ACTR3C: variants seen among roughly 807,000 people sequenced by gnomAD.
The protein encoded by ACTR3C is actin-related protein 3C.
In ACTR3C, 18 loss-of-function variants were observed where a neutral mutation model predicts 26.3. The observed-to-expected ratio is 0.68, with a 90% CI of 0.47 to 1.01. The LOEUF is 1.01. Ranked by LOEUF, ACTR3C falls within the 50% of genes least tolerant of loss-of-function variation. ACTR3C has a pLI of 0.00. For synonymous variants in ACTR3C, 55 were observed against 94.5 expected, an observed-to-expected ratio of 0.58 and a Z score of 2.42; for missense variants, 184 against 250.7, an observed-to-expected ratio of 0.73 and a Z score of 1.80.
chr7:150,088,486 C>A, the ACTR3C span, among the ~76,000 whole-genome samples: 1 of 152,104 alleles, frequency 6.6e-6, no homozygotes, highest in African/African-American at 2.4e-5. Context: ...AGGAAATAAA[C>A]AAAGAAATTG....
At chr7:150,072,755 G>A in the ACTR3C span, among the ~76,000 whole-genome samples, 9 of 152,144 alleles carry the variant, frequency 5.9e-5, no homozygotes, top group Admixed American at 1.3e-4. Flanking sequence ...GATGAACTAT[G>A]GAAAAACATT....
the ACTR3C span, chr7:150,004,747 CA>C: frequency 6.6e-6 from 1 of 152,078 alleles, no homozygotes; most frequent in Non-Finnish European, 1.5e-5. Context: ...GGATTCTGGC[CA>C]AAATTCTAAT....
the ACTR3C span, among the ~76,000 whole-genome samples, chr7:150,038,001 A>G: frequency 7.8e-3 from 945 of 120,848 alleles, 96 homozygotes; most frequent in African/African-American, 0.023. Context: ...GCCTCGCGGG[A>G]ATTGCCTCCC....
chr7:150,056,042 A>G, the ACTR3C span, among the ~76,000 whole-genome samples: 4 of 152,224 alleles, frequency 2.6e-5, no homozygotes, highest in African/African-American at 9.6e-5. Flanking sequence ...CCATCACTTA[A>G]GATTCCCTCT....
chr7:150,068,973 C>A, the ACTR3C span, among the ~76,000 whole-genome samples: 1 of 152,124 alleles, frequency 6.6e-6, no homozygotes, highest in Admixed American at 6.5e-5. Flanking sequence ...TCCTTTAGGT[C>A]GTGCCCCTGA....
At chr7:149,992,960 G>A in the ACTR3C span, among the ~76,000 whole-genome samples, 1 of 152,018 alleles carries the variant, frequency 6.6e-6, no homozygotes, top group African/African-American at 2.4e-5. Context: ...TAGCATAAGT[G>A]CCAGAGTCCA....
chr7:150,147,234 A>T, the ACTR3C span, among the ~76,000 whole-genome samples: 5 of 152,338 alleles, frequency 3.3e-5, no homozygotes, highest in East Asian at 1.9e-4. Flanking sequence ...CACAAAGAAG[A>T]TGTAATTTTA....
At chr7:149,991,542 G>A in the ACTR3C span, among the ~76,000 whole-genome samples, 2 of 152,128 alleles carry the variant, frequency 1.3e-5, no homozygotes, top group Non-Finnish European at 2.9e-5. Flanking sequence ...GATTGGTTTT[G>A]TTATCAGCAC....
the ACTR3C span, among the ~76,000 whole-genome samples, chr7:150,234,955 G>A: frequency 6.6e-6 from 1 of 152,130 alleles, no homozygotes; most frequent in African/African-American, 2.4e-5. Context: ...CCACTGCCCA[G>A]AAATCTCCTT....
the ACTR3C span, among the ~76,000 whole-genome samples, chr7:150,201,513 TGAG>T: frequency 1.8e-4 from 28 of 151,544 alleles, no homozygotes; most frequent in African/African-American, 6.8e-4. Flanking sequence ...TTTGGGAGGC[TGAG>T]GAGGGTGGAT....
the ACTR3C span, among the ~76,000 whole-genome samples, chr7:149,926,975 G>A: frequency 6.6e-6 from 1 of 151,868 alleles, no homozygotes; most frequent in Non-Finnish European, 1.5e-5. Flanking sequence ...TCCTTCTTCC[G>A]CCATGGGATG....
chr7:150,202,207 C>A, the ACTR3C span, among the ~76,000 whole-genome samples: 1 of 152,190 alleles, frequency 6.6e-6, no homozygotes, highest in Admixed American at 6.5e-5. Context: ...CTGATTTTTT[C>A]AAATTATTAT....
chr7:150,269,465 G>T (rs1834289716), intron 6 of ACTR3C, among the ~76,000 whole-genome samples: 1 of 150,634 alleles, frequency 6.6e-6, no homozygotes, highest in Admixed American at 6.6e-5. Context: ...TCACCAGGCC[G>T]CTCGCAGGTC....
the ACTR3C span, among the ~76,000 whole-genome samples, chr7:149,905,915 G>A: frequency 6.6e-6 from 1 of 151,996 alleles, no homozygotes; most frequent in Admixed American, 6.6e-5. Flanking sequence ...AGGGGTGTAC[G>A]CTCTGTGACA....
At chr7:149,970,443 C>T in the ACTR3C span, among the ~76,000 whole-genome samples, 1,908 of 152,114 alleles carry the variant, frequency 0.013, 42 homozygotes, top group African/African-American at 0.044. Context: ...TAAGGAAAAA[C>T]GACCACCAAA....
chr7:149,992,662 G>A, the ACTR3C span, among the ~76,000 whole-genome samples: 1 of 152,336 alleles, frequency 6.6e-6, no homozygotes, highest in East Asian at 1.9e-4. Context: ...GTGAGGCCCC[G>A]TAGAAGTGAA....
chr7:150,264,056 C>T (rs975988249), intron 6 of ACTR3C, among the ~76,000 whole-genome samples: 18 of 152,160 alleles, frequency 1.2e-4, no homozygotes, highest in African/African-American at 4.3e-4. Flanking sequence ...TCCTGAGCGC[C>T]GGGAGAGCTG....
chr7:150,245,915 T>A (rs1832440546), downstream of ACTR3C: 1 of 152,212 alleles, frequency 6.6e-6, no homozygotes, highest in South Asian at 2.1e-4. Flanking sequence ...TTTCAAACTG[T>A]CCACATTGAC....
the ACTR3C span, among the ~76,000 whole-genome samples, chr7:149,935,521 C>A: frequency 1.3e-5 from 2 of 150,580 alleles, no homozygotes; most frequent in African/African-American, 2.4e-5. Context: ...CCCGCCTCAG[C>A]CTCCCAAGTA....
Sources: gnomAD v4.1 joint callset for allele counts (sites outside exome capture counted in the v4.1 genomes callset) on GRCh38, gnomAD v4.1.1 for gene constraint, MANE v1.5 for transcripts, NCBI Gene and HGNC (gene_info 2026-07-23, HGNC 2026-07-21) for gene names.